The following CCDC7 variants were observed in gnomAD, a reference collection of about 807,000 sequenced individuals.
The protein encoded by CCDC7 is coiled-coil domain-containing protein 7.
A neutral mutation model predicts 196.9 loss-of-function variants in CCDC7; 183 were observed. The observed-to-expected ratio is 0.93, with a 90% CI of 0.82 to 1.05. The LOEUF is 1.05. Among genes scored for constraint, CCDC7 ranks in the 50% least tolerant of loss-of-function variants. The pLI is 0.00. For synonymous variants in CCDC7, 525 were observed against 484.6 expected, an observed-to-expected ratio of 1.08 and a Z score of -1.10; for missense variants, 1,540 against 1,482.2, an observed-to-expected ratio of 1.04 and a Z score of -0.64.
intron 28 of CCDC7, among the ~76,000 whole-genome samples, chr10:32,764,001 TATTA>T (rs2077865518): frequency 6.6e-6 from 1 of 151,892 alleles, no homozygotes; most frequent in Admixed American, 6.6e-5. Context: ...GTGATAGATA[TATTA>T]ATTAACTTGA....
At chr10:32,606,612 A>C (rs957944010) in intron 18 of CCDC7, among the ~76,000 whole-genome samples, 1 of 152,236 alleles carries the variant, frequency 6.6e-6, no homozygotes, top group Non-Finnish European at 1.5e-5. Flanking sequence ...ATGGAGTCAA[A>C]GGAGATTATT....
intron 24 of CCDC7, among the ~76,000 whole-genome samples, chr10:32,699,330 T>A (rs1591729571): frequency 6.6e-6 from 1 of 151,744 alleles, no homozygotes; most frequent in African/African-American, 2.4e-5. Flanking sequence ...TGCCATAGTT[T>A]GCTGAGAATG....
At chr10:32,788,022 C>T (rs544672654) in intron 29 of CCDC7, among the ~76,000 whole-genome samples, 40 of 152,342 alleles carry the variant, frequency 2.6e-4, no homozygotes, top group Admixed American at 6.5e-4. Flanking sequence ...AGGCCCACCT[C>T]AGCACTAGGC....
At chr10:32,613,888 GTTCTGTAGATGTTTATTAGGTCTGC>G (rs2062464312) in intron 18 of CCDC7, among the ~76,000 whole-genome samples, 1 of 152,172 alleles carries the variant, frequency 6.6e-6, no homozygotes, top group Non-Finnish European at 1.5e-5. Flanking sequence ...TGGGTGAAGA[GTTCTGTAGATGTTTATTAGGTCTGC>G]TTCTGTAGAT....
intron 29 of CCDC7, among the ~76,000 whole-genome samples, chr10:32,792,489 C>G (rs1040412407): frequency 5.3e-5 from 8 of 152,284 alleles, no homozygotes; most frequent in African/African-American, 1.9e-4. Context: ...TTGTTATCAG[C>G]TTAAATTACT....
At chr10:32,612,636 G>A (rs1453059061) in intron 18 of CCDC7, among the ~76,000 whole-genome samples, 2 of 152,142 alleles carry the variant, frequency 1.3e-5, no homozygotes, top group Non-Finnish European at 2.9e-5. Flanking sequence ...AAGTGGTGTT[G>A]AATTTTATTG....
At chr10:32,576,091 C>T (rs1181035143) in intron 16 of CCDC7, among the ~76,000 whole-genome samples, 2 of 152,136 alleles carry the variant, frequency 1.3e-5, no homozygotes, top group South Asian at 4.2e-4. Context: ...CAGATATGTT[C>T]ACATCTGACA....
chr10:32,718,100 A>G (rs2081895653), intron 25 of CCDC7, among the ~76,000 whole-genome samples: 1 of 152,200 alleles, frequency 6.6e-6, no homozygotes, highest in South Asian at 2.1e-4. Context: ...ATTCAGGCCA[A>G]TATCCCTGAT....
intron 32 of CCDC7, among the ~76,000 whole-genome samples, chr10:32,833,400 C>T (rs2092375214): frequency 1.3e-5 from 2 of 149,306 alleles, no homozygotes; most frequent in Admixed American, 6.7e-5. Flanking sequence ...GTAACAGTTT[C>T]AAAAAGAGAT....
At chr10:32,760,458 A>G (rs1180189586) in intron 28 of CCDC7, among the ~76,000 whole-genome samples, 1 of 152,048 alleles carries the variant, frequency 6.6e-6, no homozygotes. Flanking sequence ...ACATGGATGA[A>G]GCTGGAAACC....
At chr10:32,797,515 A>T (rs575627846) in intron 29 of CCDC7, among the ~76,000 whole-genome samples, 1 of 152,196 alleles carries the variant, frequency 6.6e-6, no homozygotes, top group South Asian at 2.1e-4. Flanking sequence ...ACTCAAAAGC[A>T]AAGGGTAGGG....
At chr10:32,487,278 C>A (rs1341153836) in intron 8 of CCDC7, among the ~76,000 whole-genome samples, 1 of 152,168 alleles carries the variant, frequency 6.6e-6, no homozygotes, top group Non-Finnish European at 1.5e-5. Flanking sequence ...TTGATCGAAT[C>A]GGCTACTGAG....
chr10:32,877,759 T>A (rs571301095), downstream of CCDC7, among the ~76,000 whole-genome samples: 47 of 152,220 alleles, frequency 3.1e-4, no homozygotes, highest in African/African-American at 1.1e-3. Flanking sequence ...CAAGCCTAAA[T>A]ACAAAATAGA....
chr10:32,836,321 A>C (rs936192450), intron 33 of CCDC7, among the ~76,000 whole-genome samples: 7 of 152,244 alleles, frequency 4.6e-5, no homozygotes, highest in Admixed American at 4.6e-4. Context: ...AAAAGAAATC[A>C]CTAAAAAGCA....
chr10:32,467,128 A>T (rs1160706216), intron 5 of CCDC7, among the ~76,000 whole-genome samples: 1 of 149,990 alleles, frequency 6.7e-6, no homozygotes, highest in African/African-American at 2.5e-5. Context: ...TTTGAGACAG[A>T]GTCTTGCTCC....
chr10:32,616,745 C>T (rs2062817681), intron 18 of CCDC7, among the ~76,000 whole-genome samples: 1 of 151,728 alleles, frequency 6.6e-6, no homozygotes, highest in East Asian at 1.9e-4. Context: ...TCTGCCAGTT[C>T]TTAGAGGGAA....
rs907096534 is a variant in CCDC7 at position 32,700,455 on chromosome 10, C to T, written c.2458+5463C>T. Among the ~76,000 whole-genome samples the T allele has an allele frequency of 3.1e-4, 47 of 151,558 alleles. 2 individuals carry two copies. The highest frequency in any genetic ancestry group is 1.0e-3 in the African/African-American group (41 of 40,908). On this transcript the variant is annotated intron_variant, in intron 24 of 41. Coordinates refer to ENST00000639629, the Ensembl canonical transcript of CCDC7. Reference sequence around the variant, plus strand: ...CAGTACTATGCTCTTTTGGTTACTGCAGCCTTGTAGTATAGTTTGAAGTCA... The same window carrying T: ...CAGTACTATGCTCTTTTGGTTACTGTAGCCTTGTAGTATAGTTTGAAGTCA...
chr10:32,624,584 A>T (rs1452512589), intron 18 of CCDC7, among the ~76,000 whole-genome samples: 2 of 152,168 alleles, frequency 1.3e-5, no homozygotes, highest in Non-Finnish European at 2.9e-5. Context: ...CTAATAGTTT[A>T]ATGAGAGTCA....
intron 32 of CCDC7, among the ~76,000 whole-genome samples, chr10:32,833,203 C>A (rs894841838): frequency 6.6e-6 from 1 of 151,820 alleles, no homozygotes. Context: ...TAGCAGTAAT[C>A]CTTGTATAGT....
Sources: allele counts gnomAD v4.1 joint callset (sites outside exome capture counted in the v4.1 genomes callset), GRCh38; gene constraint gnomAD v4.1.1; transcripts MANE v1.5; gene names NCBI Gene and HGNC (gene_info 2026-07-23, HGNC 2026-07-21).